Variants in GABRA5 observed in about 807,000 individuals in gnomAD.
GABRA5 encodes gamma-aminobutyric acid type A receptor subunit alpha5, also known as gamma-aminobutyric acid receptor subunit alpha-5.
A neutral mutation model predicts 47.3 loss-of-function variants in GABRA5; 18 were observed. The observed-to-expected ratio is 0.38, with a 90% confidence interval of 0.26 to 0.56. The LOEUF is 0.56. Ranked by LOEUF, GABRA5 falls within the 20% of genes least tolerant of loss-of-function variation. The pLI is 0.71. For missense variants in GABRA5, 365 were observed against 599.3 expected (o/e 0.61, Z 4.08); for synonymous variants, 237 against 229.3 (o/e 1.03, Z -0.30).
At chr15:26,939,131 A>G in intron 8 of GABRA5, 1 of 711,182 alleles carries the variant, frequency 1.4e-6, no homozygotes, top group South Asian at 1.6e-5. Context: ...CCACCCCTCA[A>G]AGAACACTTC....
At position 26,939,370 on chromosome 15, in the gene GABRA5, G is replaced by A. The variant is rs17647384; in HGVS notation, c.725-555G>A. 0.42 allele frequency: 323,875 copies of A among 764,970 alleles called. 72,125 individuals carry two copies. The highest frequency in any genetic ancestry group is 0.55 in the Middle Eastern group (2,456 of 4,440). 47.4% of individuals were successfully genotyped at this position (764,970 alleles called of 1,614,324 possible). The stretch of plus-strand genomic sequence containing the variant: ...ATGCCCCCGATTTCAAAGAACAGGC[G>A]ACACCTCTCTGGTAGGTGGCAGAAG... On this transcript the variant is annotated intron_variant, in intron 8 of 10. Coordinates refer to ENST00000335625, the MANE Select transcript of GABRA5 (RefSeq NM_000810.4).
intron 7 of GABRA5, 89 bp from the exon 8 acceptor site, chr15:26,937,096 C>G (rs146547745): frequency 1.3e-6 from 2 of 1,494,696 alleles, no homozygotes; most frequent in Non-Finnish European, 1.9e-6. Context: ...TTCTCATCCT[C>G]TCTCTTGCTA....
chr15:26,939,199 A>T lies in GABRA5; in HGVS notation c.725-726A>T, dbSNP rs534984414. On this transcript the variant is annotated intron_variant, in intron 8 of 10. Coordinates refer to ENST00000335625, the MANE Select transcript of GABRA5 (RefSeq NM_000810.4). ...CAAGAAGACTGGCCCAGCGGGCCTCACACTCCCTGACCACAGCTCCCGACC... is the reference window on the plus strand; with the variant it reads ...CAAGAAGACTGGCCCAGCGGGCCTCTCACTCCCTGACCACAGCTCCCGACC... 25 of 762,342 alleles carry T rather than the reference A, an allele frequency of 3.3e-5. No individual in the cohort carries two copies. The East Asian group carries it at 4.6e-4, about 14-fold the overall frequency. The allele number at this position is 762,342 out of a possible 1,614,324, so 47.2% of individuals were successfully genotyped here.
At chr15:26,920,180 T>TTTG (rs961511746) in intron 7 of GABRA5, among the ~76,000 whole-genome samples, 1,613 of 151,970 alleles carry the variant, frequency 0.011, 20 homozygotes, top group African/African-American at 0.036. Context: ...TAAATAAGCT[T>TTTG]TTGTTGTTGT....
intron 7 of GABRA5, among the ~76,000 whole-genome samples, chr15:26,919,422 G>A (rs1004612016): frequency 5.3e-5 from 8 of 151,188 alleles, no homozygotes; most frequent in South Asian, 2.1e-4. Context: ...TATTATCTTC[G>A]TGGTTACGGT....
Position 26,883,397 on chromosome 15 carries a change from G to T in GABRA5, c.337G>T (p.Gly113Trp). The T allele has an allele frequency of 6.2e-7, 1 of 1,614,024 alleles. No individual in the cohort carries two copies. Among genetic ancestry groups the T allele is most frequent in the Non-Finnish European group, 8.5e-7 (1 of 1,179,914 alleles). ...SWKDERLRFK[G>W]PMQRLPLNNL... The stretch of plus-strand genomic sequence containing the variant: ...GAAAGATGAAAGGCTTCGGTTTAAG[G>T]GGCCCATGCAGCGCCTCCCTCTCAA... Residue 113 changes from glycine to tryptophan, a missense_variant, in exon 6 of 11, where the codon GGG becomes TGG. Coordinates refer to ENST00000335625, the MANE Select transcript of GABRA5 (RefSeq NM_000810.4). The surrounding 1 kb of genome is among the most constrained non-coding windows in gnomAD (Gnocchi z 4.8).
At chr15:26,870,752 G>A (rs1443273946) in intron 3 of GABRA5, among the ~76,000 whole-genome samples, 1 of 152,218 alleles carries the variant, frequency 6.6e-6, no homozygotes, top group Admixed American at 6.5e-5. Flanking sequence ...TGAATGAAAT[G>A]TCTGTACATA....
chr15:26,902,564 A>G (rs1304697509), intron 6 of GABRA5, among the ~76,000 whole-genome samples: 1 of 152,144 alleles, frequency 6.6e-6, no homozygotes, highest in Non-Finnish European at 1.5e-5. Flanking sequence ...ATAGACGAGC[A>G]TGCTCAAGCT....
intron 7 of GABRA5, among the ~76,000 whole-genome samples, chr15:26,918,637 G>T (rs1219601848): frequency 2.6e-5 from 4 of 152,050 alleles, no homozygotes; most frequent in Non-Finnish European, 4.4e-5. Context: ...CTTACGTTGG[G>T]TGCATATTTA....
intron 8 of GABRA5, 31 bp from the exon 9 acceptor site, chr15:26,939,894 G>A (rs761012597): frequency 5.0e-6 from 8 of 1,612,428 alleles, no homozygotes; most frequent in Non-Finnish European, 6.8e-6. Flanking sequence ...GACTCTAGGG[G>A]ACTGATGTGC....
chr15:26,933,535 T>G (rs978418025), intron 7 of GABRA5, among the ~76,000 whole-genome samples: 1 of 152,138 alleles, frequency 6.6e-6, no homozygotes, highest in African/African-American at 2.4e-5. Context: ...TGACAGTCCT[T>G]TTTCTTCTTT....
intron 6 of GABRA5, among the ~76,000 whole-genome samples, chr15:26,913,107 C>T (rs1342960519): frequency 3.3e-5 from 2 of 61,300 alleles, no homozygotes; most frequent in African/African-American, 1.1e-4. Context: ...TTGCTTGAAC[C>T]CGGGAGTGGA....
chr15:26,898,828 TA>T (rs1008367518), intron 6 of GABRA5, among the ~76,000 whole-genome samples: 6 of 152,134 alleles, frequency 3.9e-5, no homozygotes, highest in African/African-American at 1.4e-4. Context: ...TTCAGAGCTA[TA>T]AATTTGACTC....
At chr15:26,899,086 C>T (rs1281712232) in intron 6 of GABRA5, among the ~76,000 whole-genome samples, 5 of 152,102 alleles carry the variant, frequency 3.3e-5, no homozygotes, top group Non-Finnish European at 5.9e-5. Context: ...AGGTTAGGAA[C>T]TGCTGGTTTC....
intron 3 of GABRA5, among the ~76,000 whole-genome samples, chr15:26,876,275 G>A (rs1024190983): frequency 6.6e-6 from 1 of 152,164 alleles, no homozygotes; most frequent in Non-Finnish European, 1.5e-5. Context: ...TTGGGCTGGA[G>A]GTGTGGACCT....
intron 6 of GABRA5, among the ~76,000 whole-genome samples, chr15:26,909,048 C>T (rs1354332804): frequency 6.6e-6 from 1 of 152,194 alleles, no homozygotes; most frequent in Non-Finnish European, 1.5e-5. Context: ...AATTTATTCT[C>T]TCACATCACT....
chr15:26,913,773 G>A (rs1416222348), intron 6 of GABRA5, among the ~76,000 whole-genome samples: 2 of 152,074 alleles, frequency 1.3e-5, no homozygotes, highest in African/African-American at 4.8e-5. Context: ...AGAAATGAAA[G>A]CACCACAGTG....
At chr15:26,886,636 T>C (rs1892887034) in intron 6 of GABRA5, among the ~76,000 whole-genome samples, 2 of 152,168 alleles carry the variant, frequency 1.3e-5, no homozygotes, top group African/African-American at 2.4e-5. Flanking sequence ...AGCAATGTTC[T>C]TGTTTAATCC....
intron 6 of GABRA5, among the ~76,000 whole-genome samples, chr15:26,914,012 G>A (rs760789314): frequency 6.6e-6 from 1 of 152,106 alleles, no homozygotes; most frequent in Non-Finnish European, 1.5e-5. Context: ...AGATCTCCCC[G>A]TGCTGTTAGG....
Sources: gnomAD v4.1 joint callset for allele counts (sites outside exome capture counted in the v4.1 genomes callset) on GRCh38, gnomAD v4.1.1 for gene constraint, Gnocchi (gnomAD v3.1) non-coding constraint, MANE v1.5 for transcripts, NCBI Gene and HGNC (gene_info 2026-07-23, HGNC 2026-07-21) for gene names.